WDR76: variants seen among roughly 807,000 people sequenced by gnomAD.
WDR76 encodes the protein WD repeat-containing protein 76.
A neutral mutation model predicts 70.2 loss-of-function variants in WDR76; 52 were observed. The ratio of observed to expected loss-of-function variants is 0.74; its 90% CI spans 0.59 to 0.93. The LOEUF (loss-of-function observed/expected upper bound fraction) is 0.93, where lower values mean the gene tolerates loss of function less well. Ranked by LOEUF, WDR76 falls within the 40% of genes least tolerant of loss-of-function variation. WDR76 has a pLI of 0.00. For synonymous variants in WDR76, 292 were observed against 271.1 expected (o/e 1.08, Z -0.76); for missense variants, 756 against 760.2 (o/e 0.99, Z 0.07).
intron 1 of WDR76, 164 bp downstream of exon 1, chr15:43,827,256 C>T: frequency 1.3e-6 from 1 of 756,266 alleles, no homozygotes; most frequent in Non-Finnish European, 2.1e-6. Flanking sequence ...ATCAATAACC[C>T]GAGAAATAGT....
chr15:43,858,841 A>G lies in WDR76; in HGVS notation c.1562+18A>G. 1 of 1,610,806 alleles carries G rather than the reference A, an allele frequency of 6.2e-7. No individual in the cohort carries two copies. Among genetic ancestry groups the G allele is most frequent in the East Asian group, 2.2e-5 (1 of 44,852 alleles). ...AATCTGAGGTAAATTGGGAAGGCAG[A>G]AATGTTTTTAGGGAATCTAAAGAGT... On this transcript the variant is annotated intron_variant, in intron 11 of 12. Coordinates refer to ENST00000263795, the MANE Select transcript of WDR76 (RefSeq NM_024908.4).
At position 43,827,026 on chromosome 15, in the gene WDR76, C is replaced by T. The variant is rs2087524784; in HGVS notation, c.-7C>T. ...CGGGAAGGCGCCGGCCGCTAAGAAG[C>T]CGAAAGATGTCCAGGTCGGGCGCGG... On this transcript the variant is annotated 5_prime_UTR_variant, in exon 1 of 13. Transcript: ENST00000263795. 1.2e-6 allele frequency: 2 copies of T among 1,613,800 alleles called. No individual in the cohort carries two copies. The highest frequency in any genetic ancestry group is 1.3e-5 in the African/African-American group (1 of 74,952).
chr15:43,847,699 G>A (rs967977837), intron 8 of WDR76, among the ~76,000 whole-genome samples: 2 of 152,050 alleles, frequency 1.3e-5, no homozygotes, highest in East Asian at 1.9e-4. Context: ...GGGTTTACAC[G>A]AATGAGTCAC....
intron 10 of WDR76, among the ~76,000 whole-genome samples, 165 bp downstream of exon 10, chr15:43,857,328 A>AT (rs1168397176): frequency 9.2e-5 from 14 of 152,062 alleles, no homozygotes; most frequent in Non-Finnish European, 8.8e-5. Context: ...GACTTGAGTG[A>AT]TTTTTTTTGA....
chr15:43,831,810 CA>C (rs1379417988), intron 2 of WDR76, among the ~76,000 whole-genome samples: 15 of 151,902 alleles, frequency 9.9e-5, no homozygotes, highest in Admixed American at 1.3e-4. Context: ...GTATACGAGG[CA>C]AATACTTTGC....
chr15:43,851,519 C>T (rs1207545064), intron 9 of WDR76, among the ~76,000 whole-genome samples: 1 of 152,128 alleles, frequency 6.6e-6, no homozygotes, highest in Non-Finnish European at 1.5e-5. Context: ...TGAGCTTATG[C>T]AGATAAAGTA....
chr15:43,836,316 A>C, intron 4 of WDR76, 100 bp downstream of exon 4: 2 of 1,047,842 alleles, frequency 1.9e-6, no homozygotes, highest in Admixed American at 2.7e-5. Flanking sequence ...ACAGATCATA[A>C]AGTGCTATTT....
chr15:43,828,434 GT>G (rs2087545469), intron 2 of WDR76, 68 bp downstream of exon 2: 1 of 1,446,428 alleles, frequency 6.9e-7, no homozygotes, highest in Non-Finnish European at 9.3e-7. Context: ...ATAAATCGAA[GT>G]TTTTCGAGGA....
chr15:43,851,231 G>T lies in WDR76; in HGVS notation c.1177G>T (p.Ala393Ser). The T allele has an allele frequency of 6.2e-7, 1 of 1,613,974 alleles. No individual in the cohort carries two copies. The highest frequency in any genetic ancestry group is 8.5e-7 in the Non-Finnish European group (1 of 1,179,980). The change falls in exon 9 of 13, where the codon GCT becomes TCT. Residue 393 changes from alanine to serine, a missense_variant. By Grantham distance (99) the Ala-to-Ser change is moderately conservative (BLOSUM62 1). Transcript: ENST00000263795. ...GTLRCGDFSR[A>S]IFEEVYRNER... ...GTTACGCTGTGGGGATTTTTCCAGGGCTATTTTTGAAGAGGTAAATGTTAA... is the reference window on the plus strand; with the variant it reads ...GTTACGCTGTGGGGATTTTTCCAGGTCTATTTTTGAAGAGGTAAATGTTAA...
intron 2 of WDR76, among the ~76,000 whole-genome samples, chr15:43,833,559 T>C (rs2141724513): frequency 6.6e-6 from 1 of 152,096 alleles, no homozygotes; most frequent in Non-Finnish European, 1.5e-5. Flanking sequence ...GACCTTGTGA[T>C]CTGCCTGCCT....
At chr15:43,834,722 CAGGCGTG>C (rs2141725967) in intron 2 of WDR76, among the ~76,000 whole-genome samples, 1 of 152,254 alleles carries the variant, frequency 6.6e-6, no homozygotes, top group East Asian at 1.9e-4. Flanking sequence ...GATGGGATTA[CAGGCGTG>C]AGCCACTGCC....
At position 43,866,854 on chromosome 15, in the gene WDR76, C is replaced by CTG. The variant is rs2088080242; in HGVS notation, c.*463_*464dup. On this transcript the variant is annotated 3_prime_UTR_variant, in exon 13 of 13. Coordinates refer to ENST00000263795, the MANE Select transcript of WDR76 (RefSeq NM_024908.4). ...TGTTGGCCAGGCTGGTCTCGAGCTCCTGACCTCAGGTGATCTGCCCGCCTC... is the reference window on the plus strand; with the variant it reads ...TGTTGGCCAGGCTGGTCTCGAGCTCCTGTGACCTCAGGTGATCTGCCCGCCTC... 1 of 157,220 alleles carries CTG rather than the reference C, an allele frequency of 6.4e-6. No individual in the cohort carries two copies. 9.7% of individuals were successfully genotyped at this position (157,220 alleles called of 1,614,324 possible). A position where few individuals can be genotyped will look rare whatever the true frequency, so the allele number is the denominator to read the frequency against.
At chr15:43,848,893 G>A (rs992853130) in intron 8 of WDR76, among the ~76,000 whole-genome samples, 20 of 151,266 alleles carry the variant, frequency 1.3e-4, no homozygotes, top group Middle Eastern at 3.4e-3. Flanking sequence ...AGCCGGCATT[G>A]CACCACTGCA....
chr15:43,857,453 A>C, intron 10 of WDR76: 1 of 985,326 alleles, frequency 1.0e-6, no homozygotes. Flanking sequence ...ATTTCACAGA[A>C]AAAAAAGTTA....
intron 10 of WDR76, 21 bp downstream of exon 10, chr15:43,857,184 T>G (rs1262884924): frequency 1.7e-5 from 27 of 1,589,986 alleles, no homozygotes; most frequent in Non-Finnish European, 2.3e-5. Flanking sequence ...TATAAGACTT[T>G]ATGACTTAGA....
At chr15:43,833,606 A>G (rs1596067151) in intron 2 of WDR76, among the ~76,000 whole-genome samples, 2 of 149,682 alleles carry the variant, frequency 1.3e-5, no homozygotes, top group South Asian at 2.1e-4. Flanking sequence ...GGCGTGAGCC[A>G]CTGCTCCCAG....
Position 43,867,415 on chromosome 15 carries a change from A to AGTC in WDR76, c.*1023_*1024insGTC. The stretch of plus-strand genomic sequence containing the variant: ...TTCACATGAAATCAAGTTAGATGAC[A>AGTC]ATGACTGGTGTTGAAAAAAATGAAA... On this transcript the variant is annotated 3_prime_UTR_variant, in exon 13 of 13. Transcript: ENST00000263795. The AGTC allele has an allele frequency of 6.6e-6, 1 of 152,178 alleles. No homozygotes were observed. The highest frequency in any genetic ancestry group is 1.9e-4 in the East Asian group (1 of 5,206). 9.4% of individuals were successfully genotyped at this position (152,178 alleles called of 1,614,324 possible).
At chr15:43,858,180 C>T (rs929106272) in intron 10 of WDR76, among the ~76,000 whole-genome samples, 9 of 151,796 alleles carry the variant, frequency 5.9e-5, no homozygotes, top group African/African-American at 2.2e-4. Flanking sequence ...ATCCACCCGC[C>T]TTGGCCTCCC....
At chr15:43,842,565 T>C (rs1325961208) in intron 6 of WDR76, 49 bp downstream of exon 6, 2 of 1,553,900 alleles carry the variant, frequency 1.3e-6, no homozygotes, top group Non-Finnish European at 1.8e-6. Flanking sequence ...GTTAAGGAAA[T>C]ATATATATAT....
Sources: allele counts gnomAD v4.1 joint callset (sites outside exome capture counted in the v4.1 genomes callset), GRCh38; gene constraint gnomAD v4.1.1; transcripts MANE v1.5; gene names NCBI Gene and HGNC (gene_info 2026-07-23, HGNC 2026-07-21).